FHIT: variants seen among roughly 807,000 people sequenced by gnomAD.
FHIT encodes bis(5'-adenosyl)-triphosphatase.
Under a neutral mutation model 17.9 loss-of-function variants are expected in FHIT, and 19 were observed. That is an observed-to-expected ratio of 1.06 (90% CI 0.74 to 1.56). The LOEUF (loss-of-function observed/expected upper bound fraction) is 1.56, where lower values mean the gene tolerates loss of function less well. Ranked by LOEUF, FHIT falls within the 40% of genes most tolerant of loss-of-function variation. The pLI, the probability that FHIT is intolerant of heterozygous loss-of-function variation, is 0.00. For missense variants in FHIT, 248 were observed against 189.2 expected (o/e 1.31, Z -1.82); for synonymous variants, 81 against 69.7 (o/e 1.16, Z -0.81).
chr3:60,941,107 T>C (rs56895576), intron 3 of FHIT, among the ~76,000 whole-genome samples: 56,762 of 152,078 alleles, frequency 0.37, 11,276 homozygotes, highest in Middle Eastern at 0.46. Flanking sequence ...TATTTAACTT[T>C]TTAAAAAAAT....
chr3:60,599,553 A>C (rs1385217794), intron 4 of FHIT, among the ~76,000 whole-genome samples: 1 of 152,092 alleles, frequency 6.6e-6, no homozygotes, highest in African/African-American at 2.4e-5. Flanking sequence ...ACAGTTATAA[A>C]CTTAACCATT....
chr3:60,871,710 T>C (rs1048600264), intron 3 of FHIT, among the ~76,000 whole-genome samples: 1 of 152,140 alleles, frequency 6.6e-6, no homozygotes, highest in Non-Finnish European at 1.5e-5. Flanking sequence ...CATGGCTCAA[T>C]GTAGCCTTGA....
rs556316831 is a variant in FHIT, at chr3:60,448,079, G to A, written c.103+88781C>T. ...ATGTAGGTAGCTCAAGAACGTAGCA[G>A]AAGCCTTGGAAGGGACTGTCCATGG... is the stretch of plus-strand genomic sequence containing the variant. On this transcript the variant is annotated intron_variant, in intron 5 of 9. Coordinates refer to ENST00000492590, the MANE Select transcript of FHIT (RefSeq NM_002012.4). 1.5e-4 allele frequency among the ~76,000 whole-genome samples: 23 copies of A among 152,274 alleles called. 2 individuals carry two copies. In the East Asian group the frequency reaches 4.2e-3, roughly 28 times the overall value.
intron 8 of FHIT, among the ~76,000 whole-genome samples, chr3:59,820,531 A>G (rs912831610): frequency 2.0e-5 from 3 of 152,244 alleles, no homozygotes; most frequent in Admixed American, 6.5e-5. Flanking sequence ...CCCATGAACC[A>G]AATCAGACCT....
chr3:59,960,350 T>A (rs1221793195), intron 7 of FHIT, among the ~76,000 whole-genome samples: 2 of 152,318 alleles, frequency 1.3e-5, no homozygotes, highest in East Asian at 1.9e-4. Context: ...CACTTACTGA[T>A]AAATTGGATT....
chr3:60,707,021 T>C (rs1392279697), intron 4 of FHIT, among the ~76,000 whole-genome samples: 1 of 152,344 alleles, frequency 6.6e-6, no homozygotes, highest in East Asian at 1.9e-4. Context: ...CAACACTGCC[T>C]TCTGATTCTT....
At chr3:59,793,931 A>C (rs1226938147) in intron 8 of FHIT, among the ~76,000 whole-genome samples, 2 of 152,162 alleles carry the variant, frequency 1.3e-5, no homozygotes, top group African/African-American at 4.8e-5. Context: ...ATGTATCCCC[A>C]AAAGTGACAA....
At chr3:60,953,481 C>G (rs1424071595) in intron 3 of FHIT, among the ~76,000 whole-genome samples, 4 of 152,108 alleles carry the variant, frequency 2.6e-5, no homozygotes, top group African/African-American at 7.2e-5. Context: ...TCCAAAATAT[C>G]CTGAAGGGAG....
chr3:60,111,976 T>G (rs1485287305), intron 5 of FHIT, among the ~76,000 whole-genome samples: 1 of 152,192 alleles, frequency 6.6e-6, no homozygotes, highest in Non-Finnish European at 1.5e-5. Flanking sequence ...TGCTTACTAT[T>G]GCAAGATGTA....
intron 5 of FHIT, among the ~76,000 whole-genome samples, chr3:60,262,252 T>C (rs921102251): frequency 6.6e-6 from 1 of 152,048 alleles, no homozygotes; most frequent in African/African-American, 2.4e-5. Flanking sequence ...ACATTGCTTT[T>C]AGATAAATAT....
At chr3:61,139,855 C>G (rs2037025854) in intron 2 of FHIT, among the ~76,000 whole-genome samples, 1 of 152,032 alleles carries the variant, frequency 6.6e-6, no homozygotes, top group Non-Finnish European at 1.5e-5. Context: ...GTCACCATCA[C>G]TGAGCACAGT....
At chr3:60,634,914 C>T (rs1204674314) in intron 4 of FHIT, among the ~76,000 whole-genome samples, 2 of 152,180 alleles carry the variant, frequency 1.3e-5, no homozygotes, top group African/African-American at 4.8e-5. Flanking sequence ...GGCTGGAGTG[C>T]AGTGGCTATT....
chr3:60,791,453 G>C (rs1386334071), intron 4 of FHIT, among the ~76,000 whole-genome samples: 1 of 152,076 alleles, frequency 6.6e-6, no homozygotes, highest in East Asian at 1.9e-4. Flanking sequence ...TCCTATGATT[G>C]GGCTAAGCAT....
chr3:60,904,697 T>C (rs1706306048), intron 3 of FHIT, among the ~76,000 whole-genome samples: 1 of 152,032 alleles, frequency 6.6e-6, no homozygotes, highest in African/African-American at 2.4e-5. Context: ...TTCCTAGCAC[T>C]TTGGGAGGCT....
intron 5 of FHIT, among the ~76,000 whole-genome samples, chr3:60,360,592 A>G (rs1576536055): frequency 6.6e-6 from 1 of 152,322 alleles, no homozygotes; most frequent in East Asian, 1.9e-4. Flanking sequence ...TGAGGGCAAC[A>G]ATAGCTATCC....
At chr3:60,135,239 C>T (rs1272182294) in intron 5 of FHIT, among the ~76,000 whole-genome samples, 2 of 152,102 alleles carry the variant, frequency 1.3e-5, no homozygotes, top group Non-Finnish European at 2.9e-5. Context: ...ATCAATTCGG[C>T]ACCCAGGGCT....
chr3:60,228,977 G>C (rs993251549), intron 5 of FHIT, among the ~76,000 whole-genome samples: 11 of 152,200 alleles, frequency 7.2e-5, no homozygotes, highest in Non-Finnish European at 1.3e-4. Flanking sequence ...GCAGAGGTGA[G>C]ATTCGAGAAA....
At chr3:60,515,576 T>TAAAAA in intron 5 of FHIT, among the ~76,000 whole-genome samples, 1 of 144,142 alleles carries the variant, frequency 6.9e-6, no homozygotes. Flanking sequence ...GGCTTTAATT[T>TAAAAA]AAAAAAAAAA....
intron 2 of FHIT, among the ~76,000 whole-genome samples, chr3:61,126,252 T>TA (rs61703631): frequency 6.0e-5 from 9 of 150,044 alleles, no homozygotes; most frequent in South Asian, 2.1e-4. Context: ...AAAACAAAAG[T>TA]AAAAAAAAAA....
Sources: gnomAD v4.1 joint callset for allele counts (sites outside exome capture counted in the v4.1 genomes callset) on GRCh38, gnomAD v4.1.1 for gene constraint, MANE v1.5 for transcripts, NCBI Gene and HGNC (gene_info 2026-07-23, HGNC 2026-07-21) for gene names.